The following KLHL1 variants were observed in gnomAD, a reference collection of about 807,000 sequenced individuals.
KLHL1 encodes kelch-like protein 1.
KLHL1 carries 47 observed loss-of-function variants against 77.7 expected under a neutral mutation model. The ratio of observed to expected loss-of-function variants is 0.60; its 90% CI spans 0.48 to 0.77. KLHL1 has a LOEUF of 0.77. Among genes scored for constraint, KLHL1 ranks in the 30% least tolerant of loss-of-function variants. The pLI is 0.00. For missense variants in KLHL1, 925 were observed against 910.8 expected (o/e 1.02, Z -0.20); for synonymous variants, 360 against 325.2 (o/e 1.11, Z -1.15).
intron 1 of KLHL1, among the ~76,000 whole-genome samples, chr13:69,997,685 T>A (rs1885191273): frequency 6.8e-6 from 1 of 147,170 alleles, no homozygotes; most frequent in Admixed American, 6.9e-5. Context: ...ATATTACTTA[T>A]ATATATAATA....
intron 8 of KLHL1, among the ~76,000 whole-genome samples, chr13:69,737,840 A>G (rs534841247): frequency 6.6e-6 from 1 of 152,218 alleles, no homozygotes; most frequent in South Asian, 2.1e-4. Context: ...GGCAGCCCAG[A>G]CGAGGGGGAT....
chr13:70,015,814 C>T, intron 1 of KLHL1, among the ~76,000 whole-genome samples: 1 of 152,038 alleles, frequency 6.6e-6, no homozygotes, highest in East Asian at 1.9e-4. Flanking sequence ...CATTATATGT[C>T]AAGGTATATC....
At chr13:70,004,676 C>A (rs1197482815) in intron 1 of KLHL1, among the ~76,000 whole-genome samples, 1 of 151,784 alleles carries the variant, frequency 6.6e-6, no homozygotes, top group Non-Finnish European at 1.5e-5. Flanking sequence ...TTCTTAAAGG[C>A]AAACCATTTC....
At chr13:70,103,279 G>C (rs1278812878) in intron 1 of KLHL1, among the ~76,000 whole-genome samples, 1 of 152,158 alleles carries the variant, frequency 6.6e-6, no homozygotes, top group Admixed American at 6.6e-5. Context: ...AAAACAGAGG[G>C]TAAGGGGAAG....
intron 5 of KLHL1, among the ~76,000 whole-genome samples, chr13:69,860,029 T>C (rs776762838): frequency 1.8e-4 from 28 of 152,064 alleles, no homozygotes; most frequent in Non-Finnish European, 3.1e-4. Context: ...TTCACTCAAT[T>C]GTTAGGGATT....
chr13:69,929,498 T>C (rs1019485883), intron 4 of KLHL1, among the ~76,000 whole-genome samples: 2 of 151,948 alleles, frequency 1.3e-5, no homozygotes, highest in Non-Finnish European at 2.9e-5. Flanking sequence ...AAGGACTTAA[T>C]AAGTTATCTA....
At position 69,882,351 on chromosome 13, in the gene KLHL1, T is replaced by C. The variant is rs1881031327; in HGVS notation, c.1159A>G (p.Met387Val). ...HALMMWVKYD[M>V]QSRCNDLSML... The stretch of plus-strand genomic sequence containing the variant: ...CTCAGGTCATTGCATCTACTCTGCA[T>C]GTCATACTTGACCCACATCATCAAT... Residue 387 changes from methionine (M) to valine (V), a missense_variant, in exon 5 of 11, where the codon ATG (methionine) becomes GTG (valine). By Grantham distance (21) the Met-to-Val change is conservative. Transcript: ENST00000377844. The C allele has an allele frequency of 6.2e-7, 1 of 1,614,054 alleles. No homozygotes were observed. Among genetic ancestry groups the C allele is most frequent in the Non-Finnish European group, 8.5e-7 (1 of 1,179,930 alleles).
chr13:69,942,846 C>T (rs2138305906), intron 3 of KLHL1, among the ~76,000 whole-genome samples: 1 of 152,244 alleles, frequency 6.6e-6, no homozygotes, highest in African/African-American at 2.4e-5. Flanking sequence ...ATGACATACA[C>T]TTTCCCAAAT....
chr13:70,026,086 C>G (rs991946576), intron 1 of KLHL1, among the ~76,000 whole-genome samples: 1 of 152,092 alleles, frequency 6.6e-6, no homozygotes, highest in South Asian at 2.1e-4. Context: ...CCTCTGGCTG[C>G]TCCATTTTTT....
At chr13:69,969,615 G>A (rs1264541885) in intron 2 of KLHL1, among the ~76,000 whole-genome samples, 2 of 151,626 alleles carry the variant, frequency 1.3e-5, no homozygotes, top group Non-Finnish European at 2.9e-5. Flanking sequence ...GCAAAATATC[G>A]TGTAACCTAT....
chr13:69,784,882 A>ATTTTT (rs775109435), intron 7 of KLHL1, among the ~76,000 whole-genome samples: 1,649 of 79,502 alleles, frequency 0.021, 175 homozygotes, highest in South Asian at 0.039. Flanking sequence ...CAGAATATAC[A>ATTTTT]TTTTTTTTTT....
chr13:70,024,652 C>G (rs1046410458), intron 1 of KLHL1, among the ~76,000 whole-genome samples: 6 of 134,422 alleles, frequency 4.5e-5, no homozygotes, highest in African/African-American at 1.2e-4. Context: ...CTCTCTCTCT[C>G]TCTCTCTCGC....
chr13:70,103,288 A>G (rs902859387), intron 1 of KLHL1, among the ~76,000 whole-genome samples: 2 of 152,162 alleles, frequency 1.3e-5, no homozygotes, highest in African/African-American at 4.8e-5. Context: ...GGTAAGGGGA[A>G]GGTTGGTAAG....
chr13:69,806,897 G>A (rs1201409006), intron 6 of KLHL1, among the ~76,000 whole-genome samples: 1 of 152,102 alleles, frequency 6.6e-6, no homozygotes, highest in Non-Finnish European at 1.5e-5. Flanking sequence ...CGCAACCTCT[G>A]GTAGGGTACT....
chr13:69,973,028 C>T (rs971816014), intron 2 of KLHL1, among the ~76,000 whole-genome samples: 1 of 151,864 alleles, frequency 6.6e-6, no homozygotes, highest in Admixed American at 6.6e-5. Context: ...TGATATTCCT[C>T]TTAGGATTTC....
At chr13:69,899,352 A>T (rs536106284) in intron 4 of KLHL1, among the ~76,000 whole-genome samples, 1 of 152,250 alleles carries the variant, frequency 6.6e-6, no homozygotes, top group East Asian at 1.9e-4. Flanking sequence ...TGGGAAAAGA[A>T]AGAAGCTACT....
rs371899150 is a variant in KLHL1 at position 69,851,323 on chromosome 13, T to A, written c.1228-12161A>T. Among the ~76,000 whole-genome samples the A allele has an allele frequency of 9.2e-5, 14 of 151,916 alleles. No homozygotes were observed. The South Asian group carries it at 1.4e-3, about 16-fold the overall frequency. ...CCTTTAGTTCTTTTACAAAATTATT[T>A]CTGACTGGGCAACACAGACTATAGG... is the stretch of plus-strand genomic sequence containing the variant. On this transcript the variant is annotated intron_variant, in intron 5 of 10. Transcript: ENST00000377844.
At chr13:69,774,428 C>T (rs1875724422) in intron 7 of KLHL1, among the ~76,000 whole-genome samples, 2 of 151,500 alleles carry the variant, frequency 1.3e-5, no homozygotes, top group Admixed American at 6.6e-5. Context: ...TTTTGTTATT[C>T]TTTTAGAATC....
intron 6 of KLHL1, among the ~76,000 whole-genome samples, chr13:69,811,821 C>T (rs1877893759): frequency 6.6e-6 from 1 of 152,110 alleles, no homozygotes; most frequent in African/African-American, 2.4e-5. Flanking sequence ...TGCTAGCAGT[C>T]CATCAGTTTT....
Sources: gnomAD v4.1 joint callset for allele counts (sites outside exome capture counted in the v4.1 genomes callset) on GRCh38, gnomAD v4.1.1 for gene constraint, MANE v1.5 for transcripts, NCBI Gene and HGNC (gene_info 2026-07-23, HGNC 2026-07-21) for gene names.